The following PRRX2 variants were observed in gnomAD, a reference collection of about 807,000 sequenced individuals.
PRRX2 encodes paired related homeobox 2, also known as paired mesoderm homeobox protein 2.
Under a neutral mutation model 18.0 loss-of-function variants are expected in PRRX2, and 11 were observed. The ratio of observed to expected loss-of-function variants is 0.61; its 90% confidence interval spans 0.39 to 1.01. PRRX2 has a LOEUF of 1.01. PRRX2 is among the 50% of genes least tolerant of loss of function. PRRX2 has a pLI of 0.01. For synonymous variants in PRRX2, 177 were observed against 154.8 expected (o/e 1.14, Z -1.06); for missense variants, 387 against 351.0 (o/e 1.10, Z -0.82).
At chr9:129,678,706 G>A (rs1185125246) in intron 1 of PRRX2, among the ~76,000 whole-genome samples, 1 of 152,178 alleles carries the variant, frequency 6.6e-6, no homozygotes, top group African/African-American at 2.4e-5. Context: ...CCTTGTTTGA[G>A]GTGTGTGACT....
At chr9:129,706,663 G>A (rs1832561408) in intron 1 of PRRX2, among the ~76,000 whole-genome samples, 1 of 152,192 alleles carries the variant, frequency 6.6e-6, no homozygotes, top group South Asian at 2.1e-4. Context: ...AGGAGTTCGA[G>A]GCTGCAGTAA....
intron 1 of PRRX2, among the ~76,000 whole-genome samples, chr9:129,697,479 C>T (rs895031084): frequency 2.0e-5 from 3 of 149,524 alleles, no homozygotes; most frequent in African/African-American, 7.6e-5. Context: ...GCGCCAGGGG[C>T]TCGTCTGGAA....
chr9:129,694,913 T>G (rs1832401997), intron 1 of PRRX2, among the ~76,000 whole-genome samples: 1 of 151,998 alleles, frequency 6.6e-6, no homozygotes. Context: ...CCTTCTGGCC[T>G]GGGGGATTCA....
intron 1 of PRRX2, among the ~76,000 whole-genome samples, chr9:129,666,578 C>G (rs1832028000): frequency 7.0e-6 from 1 of 143,602 alleles, no homozygotes; most frequent in African/African-American, 2.6e-5. Context: ...CCCACCCCCC[C>G]CCACCCTCCA....
At chr9:129,697,892 C>A (rs1832447404) in intron 1 of PRRX2, among the ~76,000 whole-genome samples, 1 of 152,096 alleles carries the variant, frequency 6.6e-6, no homozygotes, top group African/African-American at 2.4e-5. Context: ...TCAGAGCTTC[C>A]CCTAAGATGA....
rs1832103950 is a variant in PRRX2, at chr9:129,671,810, G to C, written c.259+5684G>C. ...GCCTCACAGCTGGGAAAGGAGAGGA[G>C]GGATTTGGTTTTGGATCACAAGTCC... On this transcript the variant is annotated intron_variant, in intron 1 of 3. Transcript: ENST00000372469. The surrounding 1 kb of genome is among the most constrained non-coding windows in gnomAD (Gnocchi z 4.0). 6.6e-6 allele frequency among the ~76,000 whole-genome samples: 1 copy of C among 152,220 alleles called. No homozygotes were observed. The highest frequency in any genetic ancestry group is 2.4e-5 in the African/African-American group (1 of 41,460).
intron 1 of PRRX2, among the ~76,000 whole-genome samples, chr9:129,690,957 G>A (rs1176687295): frequency 6.6e-6 from 1 of 152,022 alleles, no homozygotes; most frequent in African/African-American, 2.4e-5. Flanking sequence ...GCTTGTGCCC[G>A]CTTGTCCTAC....
chr9:129,700,765 G>A (rs764581741), intron 1 of PRRX2, among the ~76,000 whole-genome samples: 1 of 151,816 alleles, frequency 6.6e-6, no homozygotes, highest in South Asian at 2.1e-4. Context: ...CTACAGGTGC[G>A]TGCCACCATG....
At chr9:129,692,022 C>T (rs1832366894) in intron 1 of PRRX2, among the ~76,000 whole-genome samples, 2 of 151,718 alleles carry the variant, frequency 1.3e-5, no homozygotes, top group African/African-American at 2.4e-5. Context: ...CGGCTCACTG[C>T]AATCTCCACC....
Position 129,722,557 on chromosome 9 carries a change from C to G in PRRX2, c.*205C>G. ...GCCACCAGAGACTGCAGCCCACAAC[C>G]CTTGGAGGGGTTGGGCCGGAAGGTG... On this transcript the variant is annotated 3_prime_UTR_variant, in exon 4 of 4. Transcript: ENST00000372469. 4.2e-6 allele frequency: 2 copies of G among 477,320 alleles called. No homozygotes were observed. The highest frequency in any genetic ancestry group is 6.7e-6 in the Non-Finnish European group (2 of 299,758). The allele number at this position is 477,320 out of a possible 1,614,324, so 29.6% of individuals were successfully genotyped here.
intron 1 of PRRX2, among the ~76,000 whole-genome samples, chr9:129,693,596 C>G (rs1476219026): frequency 7.9e-6 from 1 of 127,072 alleles, no homozygotes; most frequent in Non-Finnish European, 1.6e-5. Flanking sequence ...GAAACTCTGT[C>G]TCAAAAAAAA....
intron 1 of PRRX2, among the ~76,000 whole-genome samples, chr9:129,676,344 A>G (rs2119056219): frequency 6.6e-6 from 1 of 152,314 alleles, no homozygotes; most frequent in Non-Finnish European, 1.5e-5. Context: ...CTTATTTGTC[A>G]TCTGGGGAGG....
chr9:129,716,083 GC>G (rs1284365741), intron 1 of PRRX2, among the ~76,000 whole-genome samples: 3 of 152,120 alleles, frequency 2.0e-5, no homozygotes, highest in Non-Finnish European at 4.4e-5. Flanking sequence ...AAAACACGTC[GC>G]CCCAAACCCG....
Position 129,665,727 on chromosome 9 carries a change from G to A in PRRX2, c.-141G>A, listed in dbSNP as rs1832009625. 1.7e-6 allele frequency: 1 copy of A among 575,196 alleles called. No individual in the cohort carries two copies. The highest frequency in any genetic ancestry group is 2.0e-5 in the African/African-American group (1 of 49,340). The allele number at this position is 575,196 out of a possible 1,614,324, so 35.6% of individuals were successfully genotyped here. On this transcript the variant is annotated 5_prime_UTR_variant, in exon 1 of 4. Coordinates refer to ENST00000372469, the MANE Select transcript of PRRX2 (RefSeq NM_016307.4). The surrounding 1 kb of genome is among the most constrained non-coding windows in gnomAD (Gnocchi z 5.3). Reference sequence around the variant, plus strand: ...AGTTTGTTTCCCCGACGTCAGCGCCGGGCGGGCCGCGAGGCTAGGAGGCGG... The same window carrying A: ...AGTTTGTTTCCCCGACGTCAGCGCCAGGCGGGCCGCGAGGCTAGGAGGCGG...
At chr9:129,713,413 T>C (rs1232008096) in intron 1 of PRRX2, among the ~76,000 whole-genome samples, 1 of 152,098 alleles carries the variant, frequency 6.6e-6, no homozygotes. Context: ...GGGCTTCCTT[T>C]AGGACGAAGA....
At chr9:129,690,694 G>C (rs1242309522) in intron 1 of PRRX2, among the ~76,000 whole-genome samples, 1 of 151,804 alleles carries the variant, frequency 6.6e-6, no homozygotes, top group Non-Finnish European at 1.5e-5. Context: ...TTTTAGTAGA[G>C]ATGGGGTTTC....
At chr9:129,716,849 A>G (rs1186276841) in intron 1 of PRRX2, among the ~76,000 whole-genome samples, 1 of 152,172 alleles carries the variant, frequency 6.6e-6, no homozygotes, top group African/African-American at 2.4e-5. Context: ...AGGAAGAACT[A>G]ACTCTTAAAA....
chr9:129,713,910 T>C (rs1588175082), intron 1 of PRRX2, among the ~76,000 whole-genome samples: 3 of 151,542 alleles, frequency 2.0e-5, no homozygotes, highest in Admixed American at 2.0e-4. Context: ...CCCAAAGTGC[T>C]GGGATTATAG....
chr9:129,689,775 C>T lies in PRRX2; in HGVS notation c.259+23649C>T, dbSNP rs147220522. ...TTGCTTATTTATTTATTTATTGAGA[C>T]GGAGTCTTACTCTTTCGCCCAGGCT... On this transcript the variant is annotated intron_variant, in intron 1 of 3. Transcript: ENST00000372469. Among the ~76,000 whole-genome samples the T allele has an allele frequency of 7.6e-5, 9 of 118,124 alleles. No individual in the cohort carries two copies. The East Asian group carries it at 8.6e-4, about 11-fold the overall frequency. The allele number at this position is 118,124 out of a possible 152,430, so 77.5% of individuals were successfully genotyped here. A position where few individuals can be genotyped will look rare whatever the true frequency, so the allele number is the denominator to read the frequency against.
Sources: allele counts gnomAD v4.1 joint callset (sites outside exome capture counted in the v4.1 genomes callset), GRCh38; gene constraint gnomAD v4.1.1; non-coding constraint Gnocchi (gnomAD v3.1); transcripts MANE v1.5; gene names NCBI Gene and HGNC (gene_info 2026-07-23, HGNC 2026-07-21).